The following PTPRG variants were observed in gnomAD, a reference collection of about 807,000 sequenced individuals.
PTPRG encodes the protein protein tyrosine phosphatase receptor type G.
Under a neutral mutation model 165.3 loss-of-function variants are expected in PTPRG, and 102 were observed. The ratio of observed to expected loss-of-function variants is 0.62; its 90% CI spans 0.53 to 0.73. PTPRG has a LOEUF of 0.73. Ranked by LOEUF, PTPRG falls within the 30% of genes least tolerant of loss-of-function variation. The probability of loss-of-function intolerance (pLI) is 0.00; values close to 1 mark genes in which losing one functional copy is unlikely to be tolerated. For synonymous variants in PTPRG, 675 were observed against 669.5 expected (o/e 1.01, Z -0.13); for missense variants, 1,866 against 1,861.4 (o/e 1.00, Z -0.05).
intron 1 of PTPRG, among the ~76,000 whole-genome samples, chr3:61,663,808 A>T (rs1702733139): frequency 6.6e-6 from 1 of 152,084 alleles, no homozygotes; most frequent in Admixed American, 6.6e-5. Context: ...TGCACAGCCC[A>T]TAATAGAATT....
In PTPRG at chr3:61,790,641, T is replaced by C. The variant is rs544776312; in HGVS notation, c.190+41659T>C. Among the ~76,000 whole-genome samples, 17 of 152,320 alleles carry C rather than the reference T, an allele frequency of 1.1e-4. No homozygotes were observed. The South Asian group carries it at 3.5e-3, about 32-fold the overall frequency. On this transcript the variant is annotated intron_variant, in intron 2 of 29. Transcript: ENST00000474889. Reference sequence around the variant, plus strand: ...AAGTACTAAAGCAGAACTTTATAGCTATTTACTTTACCCTTGGTTTCACAA... The same window carrying C: ...AAGTACTAAAGCAGAACTTTATAGCCATTTACTTTACCCTTGGTTTCACAA...
At chr3:61,874,442 G>A (rs894126123) in intron 2 of PTPRG, among the ~76,000 whole-genome samples, 4 of 152,112 alleles carry the variant, frequency 2.6e-5, no homozygotes, top group African/African-American at 9.7e-5. Context: ...CACTGGAATG[G>A]GGTACATTTT....
At position 61,562,373 on chromosome 3, in the gene PTPRG, G is replaced by C; in HGVS notation, c.85+1G>C. The C allele has an allele frequency of 6.2e-7, 1 of 1,613,380 alleles. No individual in the cohort carries two copies. The highest frequency in any genetic ancestry group is 1.7e-4 in the Middle Eastern group (1 of 5,950). Reference sequence around the variant, plus strand: ...CTCCATTATGTCGTGTGCTTCCCCGGTGAGTGCCGGCCGCCGAGGGGATGC... The same window carrying C: ...CTCCATTATGTCGTGTGCTTCCCCGCTGAGTGCCGGCCGCCGAGGGGATGC... On this transcript the variant is annotated splice_donor_variant, in intron 1 of 29. Transcript: ENST00000474889. LOFTEE classifies it high-confidence loss of function.
chr3:62,109,533 T>A (rs1702593142), intron 5 of PTPRG, among the ~76,000 whole-genome samples: 1 of 152,158 alleles, frequency 6.6e-6, no homozygotes, highest in Non-Finnish European at 1.5e-5. Flanking sequence ...TGCAGGCTCT[T>A]TTTTGGTTCC....
chr3:61,777,125 T>C (rs908788087), intron 2 of PTPRG, among the ~76,000 whole-genome samples: 6 of 152,202 alleles, frequency 3.9e-5, no homozygotes, highest in African/African-American at 1.2e-4. Context: ...ATGACATTTC[T>C]CTTAGTCAAT....
intron 16 of PTPRG, among the ~76,000 whole-genome samples, chr3:62,258,864 A>G (rs1052743053): frequency 1.3e-5 from 2 of 152,158 alleles, no homozygotes; most frequent in African/African-American, 2.4e-5. Context: ...TAAAAGATTG[A>G]CAGCCTCTTC....
intron 2 of PTPRG, among the ~76,000 whole-genome samples, chr3:61,813,511 G>A (rs1426261477): frequency 7.5e-6 from 1 of 134,030 alleles, no homozygotes; most frequent in Non-Finnish European, 1.6e-5. Context: ...ATGAGACTCC[G>A]TCTCAAAAAA....
chr3:62,192,191 C>G (rs1699845702), intron 9 of PTPRG, among the ~76,000 whole-genome samples: 1 of 152,062 alleles, frequency 6.6e-6, no homozygotes, highest in Admixed American at 6.6e-5. Context: ...TGCCAAACCC[C>G]TACAGCTGTG....
At position 61,998,255 on chromosome 3, in the gene PTPRG, C is replaced by A. The variant is rs566049622; in HGVS notation, c.371-5094C>A. ...GACCTGACCCACGCTTTGCCCTGGC[C>A]CTTTGCATAGCCTGGAGCGTCTTTA... On this transcript the variant is annotated intron_variant, in intron 3 of 29. Coordinates refer to ENST00000474889, the MANE Select transcript of PTPRG (RefSeq NM_002841.4). Among the ~76,000 whole-genome samples, 4 of 152,240 alleles carry A rather than the reference C, an allele frequency of 2.6e-5. No individual in the cohort carries two copies. The South Asian group carries it at 8.3e-4, about 32-fold the overall frequency.
intron 1 of PTPRG, among the ~76,000 whole-genome samples, chr3:61,703,237 G>A (rs2031072641): frequency 6.6e-6 from 1 of 151,888 alleles, no homozygotes; most frequent in Non-Finnish European, 1.5e-5. Flanking sequence ...CACTTATATA[G>A]GTGCCACACC....
intron 6 of PTPRG, among the ~76,000 whole-genome samples, chr3:62,138,671 G>T (rs907038924): frequency 7.1e-6 from 1 of 141,544 alleles, no homozygotes; most frequent in Middle Eastern, 4.1e-3. Context: ...GTTAGCTGAG[G>T]CTGCGCCATT....
chr3:61,711,239 C>T (rs2031538190), intron 1 of PTPRG, among the ~76,000 whole-genome samples: 1 of 152,230 alleles, frequency 6.6e-6, no homozygotes, highest in East Asian at 1.9e-4. Flanking sequence ...CATATGTGTG[C>T]ATGTGTCTTT....
chr3:61,997,929 A>G (rs1160312541), intron 3 of PTPRG, among the ~76,000 whole-genome samples: 2 of 152,112 alleles, frequency 1.3e-5, no homozygotes, highest in Non-Finnish European at 2.9e-5. Flanking sequence ...GGATCCCATC[A>G]TTAGGGTCCA....
intron 4 of PTPRG, among the ~76,000 whole-genome samples, chr3:62,064,193 A>G (rs1700920349): frequency 6.6e-6 from 1 of 152,104 alleles, no homozygotes; most frequent in Non-Finnish European, 1.5e-5. Context: ...GGGATAAACC[A>G]CCTTTCTTGG....
chr3:61,906,405 G>A (rs1364384434), intron 2 of PTPRG, among the ~76,000 whole-genome samples: 1 of 151,424 alleles, frequency 6.6e-6, no homozygotes, highest in African/African-American at 2.4e-5. Context: ...TCAGTGAGCC[G>A]AGATCATGCC....
intron 2 of PTPRG, among the ~76,000 whole-genome samples, chr3:61,969,052 A>T (rs1279049273): frequency 6.6e-6 from 1 of 152,220 alleles, no homozygotes; most frequent in African/African-American, 2.4e-5. Context: ...ATGTGAGTTA[A>T]GTCCTGCATG....
At chr3:61,593,958 G>A (rs1700635647) in intron 1 of PTPRG, among the ~76,000 whole-genome samples, 3 of 152,160 alleles carry the variant, frequency 2.0e-5, no homozygotes, top group African/African-American at 4.8e-5. Context: ...GTAAAGCAAT[G>A]TAGGCAGCAG....
At chr3:61,972,257 G>T (rs1241269643) in intron 2 of PTPRG, among the ~76,000 whole-genome samples, 8 of 152,220 alleles carry the variant, frequency 5.3e-5, no homozygotes, top group Admixed American at 5.2e-4. Flanking sequence ...AAGGTGGCCT[G>T]TTTGGCTTCT....
intron 1 of PTPRG, among the ~76,000 whole-genome samples, chr3:61,671,346 G>C (rs1166765791): frequency 6.6e-5 from 10 of 151,884 alleles, no homozygotes; most frequent in Middle Eastern, 3.4e-3. Context: ...TGACTCGTAA[G>C]GAGCATGCTG....
Sources: allele counts gnomAD v4.1 joint callset (sites outside exome capture counted in the v4.1 genomes callset), GRCh38; gene constraint gnomAD v4.1.1; transcripts MANE v1.5; gene names NCBI Gene and HGNC (gene_info 2026-07-23, HGNC 2026-07-21).